SYN3: variants seen among roughly 807,000 people sequenced by gnomAD.
SYN3 encodes the protein synapsin-3.
SYN3 carries 35 observed loss-of-function variants against 65.8 expected under a neutral mutation model. That is an observed-to-expected ratio of 0.53 (90% CI 0.41 to 0.70). The LOEUF (loss-of-function observed/expected upper bound fraction) is 0.70. SYN3 is among the 30% of genes least tolerant of loss of function. The pLI is 0.00. For missense variants in SYN3, 680 were observed against 749.0 expected (o/e 0.91, Z 1.08); for synonymous variants, 270 against 292.9 (o/e 0.92, Z 0.80).
chr22:32,593,547 G>C (rs2059156328), intron 7 of SYN3, among the ~76,000 whole-genome samples: 1 of 152,102 alleles, frequency 6.6e-6, no homozygotes, highest in Non-Finnish European at 1.5e-5. Context: ...TTTCTGTTTT[G>C]AGGCAACTAA....
intron 4 of SYN3, among the ~76,000 whole-genome samples, chr22:32,909,543 G>A (rs2049992606): frequency 1.3e-5 from 2 of 152,076 alleles, no homozygotes; most frequent in Non-Finnish European, 1.5e-5. Context: ...TGCTCTCCCA[G>A]GGTCTTGAAT....
intron 6 of SYN3, among the ~76,000 whole-genome samples, chr22:32,856,280 G>A (rs901368563): frequency 1.4e-4 from 12 of 82,902 alleles, no homozygotes; most frequent in African/African-American, 6.3e-4. Flanking sequence ...TGTCAGACAT[G>A]TGTAGCCGAA....
At chr22:32,858,235 G>A (rs2048431046) in intron 6 of SYN3, 4 of 1,552,760 alleles carry the variant, frequency 2.6e-6, no homozygotes, top group Non-Finnish European at 3.5e-6. Flanking sequence ...CCCTCGGCTG[G>A]GAAGGGTATG....
chr22:33,022,591 C>T (rs1287451058), intron 1 of SYN3, among the ~76,000 whole-genome samples: 1 of 152,146 alleles, frequency 6.6e-6, no homozygotes, highest in South Asian at 2.1e-4. Context: ...GAGTGGGACA[C>T]CGTGGGTCCC....
chr22:32,775,144 C>T (rs371504226), intron 6 of SYN3, among the ~76,000 whole-genome samples: 7 of 152,152 alleles, frequency 4.6e-5, no homozygotes, highest in African/African-American at 1.4e-4. Context: ...AGACAGCCAC[C>T]TTCTCACTGT....
At chr22:32,796,144 TCTC>T (rs1226691751) in intron 6 of SYN3, among the ~76,000 whole-genome samples, 1 of 152,208 alleles carries the variant, frequency 6.6e-6, no homozygotes, top group African/African-American at 2.4e-5. Context: ...GAGAAGTTCT[TCTC>T]CTTCCATTTC....
intron 3 of SYN3, among the ~76,000 whole-genome samples, chr22:32,954,215 A>G (rs1180544303): frequency 2.0e-5 from 3 of 152,204 alleles, no homozygotes; most frequent in Non-Finnish European, 4.4e-5. Context: ...GGAGACTTCA[A>G]GGTTGGGGAG....
chr22:32,677,219 G>A (rs5998573), intron 6 of SYN3, among the ~76,000 whole-genome samples: 3,709 of 152,258 alleles, frequency 0.024, 133 homozygotes, highest in African/African-American at 0.078. Context: ...TTAGAGGAAG[G>A]AGGAATTCAC....
intron 7 of SYN3, among the ~76,000 whole-genome samples, chr22:32,554,732 C>T (rs1208922155): frequency 6.6e-6 from 1 of 152,190 alleles, no homozygotes; most frequent in Non-Finnish European, 1.5e-5. Context: ...GACCCCCTTC[C>T]CCTCCCTTGT....
rs533078355 is a variant in SYN3, at chr22:32,538,755, C to T, written c.918-645G>A. Among the ~76,000 whole-genome samples, 12 of 152,244 alleles carry T rather than the reference C, an allele frequency of 7.9e-5. No individual in the cohort carries two copies. In the East Asian group the frequency reaches 1.9e-3, roughly 25 times the overall value. On this transcript the variant is annotated intron_variant, in intron 8 of 13. Transcript: ENST00000358763. ...CAGGTTTCATCTGACATACGACTTC[C>T]TGACAGCCCACCTTTACACAGCAAA...
chr22:32,864,147 T>C (rs909675030), intron 6 of SYN3, among the ~76,000 whole-genome samples: 3 of 152,220 alleles, frequency 2.0e-5, no homozygotes, highest in Non-Finnish European at 4.4e-5. Context: ...CCTGGGACTA[T>C]GGTATACTCT....
At chr22:32,709,555 G>T (rs1044180265) in intron 6 of SYN3, among the ~76,000 whole-genome samples, 1 of 151,872 alleles carries the variant, frequency 6.6e-6, no homozygotes, top group Non-Finnish European at 1.5e-5. Context: ...TTTTTTTTAC[G>T]CCCCTTTAAA....
chr22:32,585,992 GTATA>G (rs891288871), intron 7 of SYN3, among the ~76,000 whole-genome samples: 2 of 82,004 alleles, frequency 2.4e-5, no homozygotes, highest in African/African-American at 7.5e-5. Flanking sequence ...GTATGTATAC[GTATA>G]TATGTATGTA....
At chr22:32,606,917 G>T (rs927115910) in intron 6 of SYN3, among the ~76,000 whole-genome samples, 3 of 151,558 alleles carry the variant, frequency 2.0e-5, no homozygotes, top group African/African-American at 7.3e-5. Context: ...GTGCAGGTTT[G>T]TTACATATGT....
intron 4 of SYN3, among the ~76,000 whole-genome samples, chr22:32,904,465 C>G (rs2049847496): frequency 6.6e-6 from 1 of 152,106 alleles, no homozygotes; most frequent in South Asian, 2.1e-4. Context: ...CTGCTGAATG[C>G]CACACTCTAC....
intron 3 of SYN3, among the ~76,000 whole-genome samples, chr22:32,977,530 G>A (rs1279391749): frequency 6.6e-5 from 10 of 151,866 alleles, no homozygotes; most frequent in Admixed American, 5.9e-4. Flanking sequence ...TGGATCACGA[G>A]GTCAAGAGAT....
At chr22:32,772,751 C>A (rs2045807196) in intron 6 of SYN3, among the ~76,000 whole-genome samples, 1 of 152,074 alleles carries the variant, frequency 6.6e-6, no homozygotes, top group Non-Finnish European at 1.5e-5. Flanking sequence ...GGCTGCAAGT[C>A]CGGGAATACT....
intron 5 of SYN3, among the ~76,000 whole-genome samples, chr22:32,865,899 C>T (rs148915789): frequency 1.3e-5 from 2 of 152,140 alleles, no homozygotes; most frequent in East Asian, 3.9e-4. Flanking sequence ...AGGATGATCC[C>T]CTGGAGCAGA....
intron 2 of SYN3, among the ~76,000 whole-genome samples, chr22:32,996,157 A>C (rs915315100): frequency 2.6e-5 from 4 of 152,166 alleles, no homozygotes; most frequent in African/African-American, 9.7e-5. Context: ...AAGAGTATCC[A>C]TTCATTCCTT....
Sources: gnomAD v4.1 joint callset for allele counts (sites outside exome capture counted in the v4.1 genomes callset) on GRCh38, gnomAD v4.1.1 for gene constraint, MANE v1.5 for transcripts, NCBI Gene and HGNC (gene_info 2026-07-23, HGNC 2026-07-21) for gene names.